Variants in WDR44 observed in about 807,000 individuals in gnomAD.
WDR44 encodes WD repeat domain 44.
WDR44 carries 9 observed loss-of-function variants against 65.7 expected under a neutral mutation model. The observed-to-expected ratio is 0.14, with a 90% CI of 0.08 to 0.24. The LOEUF is 0.24. Ranked by LOEUF, WDR44 falls within the 10% of genes least tolerant of loss-of-function variation. The pLI, the probability that WDR44 is intolerant of heterozygous loss-of-function variation, is 1.00. For synonymous variants in WDR44, 220 were observed against 235.2 expected, an observed-to-expected ratio of 0.94 and a Z score of 0.59; for missense variants, 425 against 670.9, an observed-to-expected ratio of 0.63 and a Z score of 4.05.
chrX:118,385,548 A>G (rs746517625), intron 2 of WDR44, among the ~76,000 whole-genome samples: 1 of 111,273 alleles, frequency 9.0e-6, no homozygotes, highest in South Asian at 3.7e-4. Flanking sequence ...AAAATGACTA[A>G]TGTGTACTAG....
At chrX:118,406,659 G>C (rs893462048) in intron 9 of WDR44, among the ~76,000 whole-genome samples, 1 of 111,645 alleles carries the variant, frequency 9.0e-6, no homozygotes. Flanking sequence ...CGAAAGTTGA[G>C]TAACTTGCCT....
At position 118,426,000 on chromosome X, in the gene WDR44, G is replaced by A. The variant is rs762912230; in HGVS notation, c.1738-6781G>A. ...TGAGGCAGGAGAATCACTTGAACCC[G>A]GGAGGCGGAGGTTGCAGTGAGCTGA... On this transcript the variant is annotated intron_variant, in intron 12 of 19. Transcript: ENST00000254029. Among the ~76,000 whole-genome samples, 3 of 112,044 alleles carry A rather than the reference G, an allele frequency of 2.7e-5. No individual in the cohort carries two copies. In the Admixed American group the frequency reaches 2.8e-4, roughly 11 times the overall value.
intron 4 of WDR44, 129 bp downstream of exon 4, chrX:118,393,400 C>A: frequency 1.4e-6 from 1 of 705,092 alleles, no homozygotes; most frequent in Non-Finnish European, 2.1e-6. Flanking sequence ...GGCAACATGG[C>A]AAAACCCCAT....
intron 12 of WDR44, among the ~76,000 whole-genome samples, chrX:118,423,789 G>T (rs1329229505): frequency 8.9e-6 from 1 of 111,864 alleles, no homozygotes; most frequent in Non-Finnish European, 1.9e-5. Context: ...CGCAATCACT[G>T]TTCTACTCTG....
At chrX:118,432,388 C>G (rs184522488) in intron 12 of WDR44, among the ~76,000 whole-genome samples, 72 of 111,339 alleles carry the variant, frequency 6.5e-4, no homozygotes, top group East Asian at 5.6e-3. Context: ...AAACTTTGCC[C>G]AATGTCTAAT....
At chrX:118,393,342 G>GGAGGCC in intron 4 of WDR44, 71 bp downstream of exon 4, 1 of 1,092,862 alleles carries the variant, frequency 9.2e-7, no homozygotes. Flanking sequence ...CAGCACTTTG[G>GGAGGCC]GAGGCCAAGG....
chrX:118,441,913 G>A (rs183599825), intron 15 of WDR44, among the ~76,000 whole-genome samples: 1 of 110,398 alleles, frequency 9.1e-6, no homozygotes, highest in Non-Finnish European at 1.9e-5. Flanking sequence ...GCTAATTTTT[G>A]TATTTTTTGG....
At chrX:118,354,159 T>C (rs1464111807) in intron 1 of WDR44, among the ~76,000 whole-genome samples, 5 of 111,802 alleles carry the variant, frequency 4.5e-5, no homozygotes, top group African/African-American at 1.6e-4. Context: ...CTCATGCCTG[T>C]AATCCCAGTG....
intron 12 of WDR44, among the ~76,000 whole-genome samples, 162 bp downstream of exon 12, chrX:118,411,121 C>A (rs772875723): frequency 1.6e-3 from 177 of 110,706 alleles, no homozygotes; most frequent in African/African-American, 5.5e-3. Flanking sequence ...AAGAAATTAG[C>A]AAATGAAAAT....
intron 8 of WDR44, among the ~76,000 whole-genome samples, chrX:118,400,224 C>G (rs984880557): frequency 9.0e-6 from 1 of 111,101 alleles, no homozygotes; most frequent in Non-Finnish European, 1.9e-5. Flanking sequence ...TGGCCATCAG[C>G]TGATGGCCAG....
intron 6 of WDR44, 34 bp downstream of exon 6, chrX:118,395,378 A>G (rs749127294): frequency 9.1e-7 from 1 of 1,102,826 alleles, no homozygotes; most frequent in African/African-American, 1.8e-5. Context: ...TGTTCTTAAA[A>G]CATAAAGTAC....
chrX:118,436,434 T>A (rs1327003161), intron 13 of WDR44: 2 of 364,722 alleles, frequency 5.5e-6, no homozygotes, highest in African/African-American at 5.1e-5. Context: ...TGCTGGTGCC[T>A]GGCAGATTTC....
At chrX:118,383,878 C>CTTTTTTTTTTTTTTTTT (rs549809406) in intron 2 of WDR44, among the ~76,000 whole-genome samples, 1 of 69,840 alleles carries the variant, frequency 1.4e-5, no homozygotes, top group Non-Finnish European at 2.6e-5. Context: ...TTTTTAATTT[C>CTTTTTTTTTTTTTTTTT]TTTTTTTTTT....
Position 118,392,613 on chromosome X carries a change from C to CTT in WDR44, c.187-16_187-15dup. On this transcript the variant is annotated intron_variant, in intron 3 of 19. Transcript: ENST00000254029. ...TAAATAGCTTCATTTTTAAAAACTA[C>CTT]TTTTAACCCTTTCATCAGATTATTG... 8.6e-7 allele frequency: 1 copy of CTT among 1,166,026 alleles called. No homozygotes were observed.
In WDR44 at chrX:118,418,962, G is replaced by A. The variant is rs751640134; in HGVS notation, c.1737+8003G>A. 4.4e-3 allele frequency among the ~76,000 whole-genome samples: 486 copies of A among 110,371 alleles called. 1 individual carries two copies. Among genetic ancestry groups the A allele is most frequent in the African/African-American group, 0.015 (452 of 30,327 alleles). On this transcript the variant is annotated intron_variant, in intron 12 of 19. Transcript: ENST00000254029. ...GAGTCATGCAGGTTGTCAGGGAAGC[G>A]GGGGAAAGCTGGCAGTCACAGGCCT...
intron 11 of WDR44, 62 bp downstream of exon 11, chrX:118,409,689 A>G: frequency 9.5e-7 from 1 of 1,047,648 alleles, no homozygotes; most frequent in East Asian, 3.3e-5. Context: ...AGGTATACTG[A>G]TGCCCTACTT....
At chrX:118,418,047 T>C (rs2057072846) in intron 12 of WDR44, among the ~76,000 whole-genome samples, 1 of 111,992 alleles carries the variant, frequency 8.9e-6, no homozygotes, top group Admixed American at 9.5e-5. Flanking sequence ...ATTGTTTTTT[T>C]TCTTTATGCT....
intron 12 of WDR44, among the ~76,000 whole-genome samples, chrX:118,419,724 GT>G (rs2057088475): frequency 8.9e-6 from 1 of 111,862 alleles, no homozygotes; most frequent in Admixed American, 9.5e-5. Flanking sequence ...ATCCCATTAT[GT>G]TTAAAATGTT....
At position 118,366,721 on chromosome X, in the gene WDR44, A is replaced by G. The variant is rs190906435; in HGVS notation, c.78-11698A>G. On this transcript the variant is annotated intron_variant, in intron 1 of 19. Coordinates refer to ENST00000254029, the MANE Select transcript of WDR44 (RefSeq NM_019045.5). ...AATGTATATAATAAGGAATTGTTAAATTTTATAGTAGTGTTGTGGTTATGT... is the reference window on the plus strand; with the variant it reads ...AATGTATATAATAAGGAATTGTTAAGTTTTATAGTAGTGTTGTGGTTATGT... Among the ~76,000 whole-genome samples, 442 of 111,428 alleles carry G rather than the reference A, an allele frequency of 4.0e-3. 8 individuals are homozygous for G. Among genetic ancestry groups the G allele is most frequent in the Admixed American group, 0.034 (355 of 10,436 alleles).
Sources: gnomAD v4.1 joint callset for allele counts (sites outside exome capture counted in the v4.1 genomes callset) on GRCh38, gnomAD v4.1.1 for gene constraint, MANE v1.5 for transcripts, NCBI Gene and HGNC (gene_info 2026-07-23, HGNC 2026-07-21) for gene names.